SBF2: variants seen among roughly 807,000 people sequenced by gnomAD.
The protein encoded by SBF2 is myotubularin-related protein 13.
Under a neutral mutation model 225.2 loss-of-function variants are expected in SBF2, and 112 were observed. The ratio of observed to expected loss-of-function variants is 0.50; its 90% confidence interval spans 0.43 to 0.58. The LOEUF is 0.58. Among genes scored for constraint, SBF2 ranks in the 20% least tolerant of loss-of-function variants. The probability of loss-of-function intolerance (pLI) is 0.00; values close to 1 mark genes in which losing one functional copy is unlikely to be tolerated. For missense variants in SBF2, 1,996 were observed against 2,206.2 expected, an observed-to-expected ratio of 0.90 and a Z score of 1.91; for synonymous variants, 763 against 773.3, an observed-to-expected ratio of 0.99 and a Z score of 0.22.
Position 9,872,492 on chromosome 11 carries a change from C to T in SBF2, c.1930-14096G>A, listed in dbSNP as rs189595555. ...AAAAAATAAGTAAAAATTAAAAAGT[C>T]TAAATACGTGAACAGAGATTTCACC... On this transcript the variant is annotated intron_variant, in intron 17 of 39. Transcript: ENST00000256190. Among the ~76,000 whole-genome samples, 219 of 152,228 alleles carry T rather than the reference C, an allele frequency of 1.4e-3. 1 individual carries two copies. The highest frequency in any genetic ancestry group is 5.0e-3 in the African/African-American group (207 of 41,530).
rs541474839 is a variant in SBF2 at position 10,225,337 on chromosome 11, C to T, written c.56-31350G>A. On this transcript the variant is annotated intron_variant, in intron 1 of 39. Coordinates refer to ENST00000256190, the MANE Select transcript of SBF2 (RefSeq NM_030962.4). ...TTTAAAAAAAAAGACACAAGTGGAA[C>T]ATGAAATTATGCCAGATAAATGAAA... 2.7e-5 allele frequency among the ~76,000 whole-genome samples: 4 copies of T among 150,646 alleles called. No homozygotes were observed. The South Asian group carries it at 8.4e-4, about 32-fold the overall frequency.
chr11:10,177,348 T>C (rs201880222), intron 2 of SBF2, among the ~76,000 whole-genome samples: 4,645 of 133,252 alleles, frequency 0.035, 120 homozygotes, highest in East Asian at 0.095. Flanking sequence ...CCAGGGCAAT[T>C]AGGCAGGAGA....
intron 2 of SBF2, among the ~76,000 whole-genome samples, chr11:10,076,338 C>T (rs975669531): frequency 2.6e-5 from 4 of 152,194 alleles, no homozygotes; most frequent in Non-Finnish European, 5.9e-5. Context: ...ACTAAGGGGG[C>T]TGCACGAAAA....
At chr11:9,899,055 TA>T (rs112470768) in intron 16 of SBF2, among the ~76,000 whole-genome samples, 9,690 of 147,642 alleles carry the variant, frequency 0.066, 495 homozygotes, top group East Asian at 0.28. Flanking sequence ...AAATAAAGAT[TA>T]AAAAAAAAAC....
chr11:10,136,977 T>C (rs574354619), intron 2 of SBF2, among the ~76,000 whole-genome samples: 1 of 152,332 alleles, frequency 6.6e-6, no homozygotes, highest in African/African-American at 2.4e-5. Context: ...AAGAATTGTG[T>C]TAAACCTGTG....
chr11:9,978,221 T>C (rs556309728), intron 13 of SBF2, among the ~76,000 whole-genome samples: 27 of 152,308 alleles, frequency 1.8e-4, no homozygotes, highest in African/African-American at 5.8e-4. Context: ...TTTACTATCA[T>C]GTTCTGTTTT....
chr11:10,184,245 C>T (rs993424057), intron 2 of SBF2, among the ~76,000 whole-genome samples: 1 of 152,060 alleles, frequency 6.6e-6, no homozygotes, highest in Admixed American at 6.5e-5. Flanking sequence ...TAGACTGTAC[C>T]ATGGATCTAC....
chr11:10,090,577 CA>C (rs764695958), intron 2 of SBF2, among the ~76,000 whole-genome samples: 62 of 151,986 alleles, frequency 4.1e-4, no homozygotes, highest in Non-Finnish European at 7.8e-4. Context: ...CTAGCCTGGC[CA>C]ACATGGTGAA....
intron 1 of SBF2, chr11:10,272,126 T>A: frequency 8.8e-7 from 1 of 1,136,504 alleles, no homozygotes; most frequent in Admixed American, 2.3e-5. Context: ...CAGGGCATCC[T>A]TGCAGGCATT....
intron 17 of SBF2, among the ~76,000 whole-genome samples, chr11:9,885,935 T>A (rs1379702597): frequency 3.9e-5 from 6 of 152,142 alleles, no homozygotes. Context: ...GGATGCGTTC[T>A]CCCTTCAGTA....
intron 2 of SBF2, among the ~76,000 whole-genome samples, chr11:10,163,891 CTG>C (rs1252992530): frequency 5.9e-5 from 9 of 152,196 alleles, no homozygotes; most frequent in Non-Finnish European, 4.4e-5. Flanking sequence ...CTCAACAAGA[CTG>C]TTCTAGAGTC....
chr11:9,880,084 T>TTAA (rs1859622248), intron 17 of SBF2, among the ~76,000 whole-genome samples: 2 of 51,994 alleles, frequency 3.8e-5, no homozygotes, highest in African/African-American at 7.6e-5. Context: ...CTCTGTCTCA[T>TTAA]AAAAAAAAAA....
intron 2 of SBF2, among the ~76,000 whole-genome samples, chr11:10,084,930 A>G (rs191854987): frequency 4.8e-4 from 73 of 152,302 alleles, no homozygotes; most frequent in African/African-American, 1.7e-3. Context: ...AGACTCAGAC[A>G]GGTGAGGAGC....
chr11:10,108,024 T>C (rs749580600), intron 2 of SBF2, among the ~76,000 whole-genome samples: 4 of 152,194 alleles, frequency 2.6e-5, no homozygotes, highest in Non-Finnish European at 4.4e-5. Flanking sequence ...CTATCATGAT[T>C]GTGGTACTGG....
intron 16 of SBF2, among the ~76,000 whole-genome samples, chr11:9,912,720 C>T (rs1030712440): frequency 1.3e-5 from 2 of 152,170 alleles, no homozygotes; most frequent in African/African-American, 4.8e-5. Context: ...CAGTACACTC[C>T]TACTTATTTT....
intron 6 of SBF2, among the ~76,000 whole-genome samples, chr11:10,027,845 C>G (rs767205487): frequency 2.6e-5 from 4 of 152,170 alleles, no homozygotes; most frequent in African/African-American, 7.2e-5. Flanking sequence ...GAATGAGACT[C>G]AGAGTCCCAT....
chr11:10,092,619 C>G (rs1264257422), intron 2 of SBF2, among the ~76,000 whole-genome samples: 1 of 152,166 alleles, frequency 6.6e-6, no homozygotes, highest in African/African-American at 2.4e-5. Flanking sequence ...GAAATTAATT[C>G]TGGCAGATCT....
At chr11:10,092,881 T>C (rs1048292891) in intron 2 of SBF2, among the ~76,000 whole-genome samples, 1 of 151,956 alleles carries the variant, frequency 6.6e-6, no homozygotes, top group Non-Finnish European at 1.5e-5. Flanking sequence ...AGAACGAGCA[T>C]AAGATTCAAA....
chr11:9,922,994 A>G (rs777211439), intron 16 of SBF2, among the ~76,000 whole-genome samples: 11 of 152,292 alleles, frequency 7.2e-5, no homozygotes, highest in Non-Finnish European at 1.5e-4. Flanking sequence ...AGCTACCTTT[A>G]TAACCTAGTT....
Sources: allele counts gnomAD v4.1 joint callset (sites outside exome capture counted in the v4.1 genomes callset), GRCh38; gene constraint gnomAD v4.1.1; transcripts MANE v1.5; gene names NCBI Gene and HGNC (gene_info 2026-07-23, HGNC 2026-07-21).